SAMD4A: variants seen among roughly 807,000 people sequenced by gnomAD.
The protein encoded by SAMD4A is protein Smaug homolog 1.
A neutral mutation model predicts 81.3 loss-of-function variants in SAMD4A; 33 were observed. That is an observed-to-expected ratio of 0.41 (90% CI 0.31 to 0.54). The LOEUF is 0.54. Among genes scored for constraint, SAMD4A ranks in the 20% least tolerant of loss-of-function variants. SAMD4A has a pLI of 0.37. For missense variants in SAMD4A, 854 were observed against 951.1 expected, an observed-to-expected ratio of 0.90 and a Z score of 1.34; for synonymous variants, 389 against 382.1, an observed-to-expected ratio of 1.02 and a Z score of -0.21.
rs1470894332 is a variant in SAMD4A at position 54,684,625 on chromosome 14, A to G, written c.197-17437A>G. 1.5e-4 allele frequency among the ~76,000 whole-genome samples: 2 copies of G among 12,918 alleles called. 1 individual carries two copies. The highest frequency in any genetic ancestry group is 5.8e-4 in the Non-Finnish European group (2 of 3,428). 8.5% of individuals were successfully genotyped at this position (12,918 alleles called of 152,430 possible). ...CCAGACACCCCCGCCCCCCCCCCCA[A>G]CCAGAAACGGGAAACCTATGGAAAG... On this transcript the variant is annotated intron_variant, in intron 2 of 12. Transcript: ENST00000554335.
At chr14:54,780,547 C>G (rs1056858960) in intron 11 of SAMD4A, among the ~76,000 whole-genome samples, 1 of 152,168 alleles carries the variant, frequency 6.6e-6, no homozygotes, top group African/African-American at 2.4e-5. Flanking sequence ...TAAATATTTC[C>G]TCCATGTCTT....
chr14:54,750,232 T>C (rs2038068969), intron 5 of SAMD4A, among the ~76,000 whole-genome samples: 1 of 152,210 alleles, frequency 6.6e-6, no homozygotes. Context: ...AGTAATTTAA[T>C]TCACTAGAAC....
At chr14:54,691,247 A>G (rs142194186) in intron 2 of SAMD4A, among the ~76,000 whole-genome samples, 174 of 152,258 alleles carry the variant, frequency 1.1e-3, no homozygotes, top group Middle Eastern at 6.8e-3. Context: ...CAACTTGGGA[A>G]GGATGAGGCC....
intron 2 of SAMD4A, among the ~76,000 whole-genome samples, chr14:54,653,301 ATATTATTATTATTATTATTATTATTAT>A (rs71448404): frequency 3.1e-5 from 4 of 130,398 alleles, no homozygotes; most frequent in East Asian, 2.2e-4. Flanking sequence ...CTTCCTCTTA[ATATTATTATTATTATTATTATTATTAT>A]TATTATTATT....
intron 2 of SAMD4A, among the ~76,000 whole-genome samples, chr14:54,595,018 A>C (rs1343245121): frequency 6.6e-6 from 1 of 152,222 alleles, no homozygotes; most frequent in Non-Finnish European, 1.5e-5. Flanking sequence ...TTATTCATTC[A>C]TTGAAAAAAT....
intron 2 of SAMD4A, among the ~76,000 whole-genome samples, chr14:54,646,639 A>G (rs1262816857): frequency 6.6e-6 from 1 of 152,244 alleles, no homozygotes; most frequent in Non-Finnish European, 1.5e-5. Flanking sequence ...AATTTCAGCT[A>G]CTGGAGGTAG....
intron 2 of SAMD4A, among the ~76,000 whole-genome samples, chr14:54,576,007 T>TC (rs1366762824): frequency 8.8e-4 from 6 of 6,784 alleles, no homozygotes; most frequent in African/African-American, 2.3e-3. Flanking sequence ...CTTTCTTTTT[T>TC]TTTTTTTTTT....
At chr14:54,606,104 C>A (rs558719416) in intron 2 of SAMD4A, among the ~76,000 whole-genome samples, 1 of 152,136 alleles carries the variant, frequency 6.6e-6, no homozygotes, top group South Asian at 2.1e-4. Flanking sequence ...TAATGTGCAG[C>A]CCCGCCTTTT....
chr14:54,613,137 A>AAAGGAAGGAAGGAAGGAAGG (rs66698502), intron 2 of SAMD4A, among the ~76,000 whole-genome samples: 23 of 144,644 alleles, frequency 1.6e-4, no homozygotes, highest in African/African-American at 3.9e-4. Flanking sequence ...AGAGAGAGAG[A>AAAGGAAGGAAGGAAGGAAGG]AAGGAAGGAA....
intron 2 of SAMD4A, among the ~76,000 whole-genome samples, chr14:54,667,190 G>A (rs2035775738): frequency 6.6e-6 from 1 of 152,188 alleles, no homozygotes. Context: ...ACAGCCCTAA[G>A]AGACAGCTGG....
chr14:54,635,252 G>A (rs535677875), intron 2 of SAMD4A, among the ~76,000 whole-genome samples: 63 of 149,824 alleles, frequency 4.2e-4, no homozygotes, highest in African/African-American at 1.5e-3. Context: ...GTGAAACACC[G>A]TCTCTACTAA....
chr14:54,580,276 T>C (rs1392824654), intron 2 of SAMD4A, among the ~76,000 whole-genome samples: 1 of 152,188 alleles, frequency 6.6e-6, no homozygotes, highest in East Asian at 1.9e-4. Context: ...AGGCTCTATT[T>C]ACCTGAATTT....
intron 7 of SAMD4A, 54 bp downstream of exon 7, chr14:54,760,548 G>T: frequency 7.3e-7 from 1 of 1,365,928 alleles, no homozygotes; most frequent in South Asian, 1.9e-5. Flanking sequence ...TAACCAGAGC[G>T]ACAGGCTCCT....
chr14:54,584,184 A>G (rs1198806399), intron 2 of SAMD4A, among the ~76,000 whole-genome samples: 2 of 152,206 alleles, frequency 1.3e-5, no homozygotes. Flanking sequence ...GGTTGCTTTC[A>G]CTGAAATTTG....
intron 2 of SAMD4A, among the ~76,000 whole-genome samples, chr14:54,646,983 G>A (rs1410866111): frequency 6.6e-6 from 1 of 152,092 alleles, no homozygotes; most frequent in African/African-American, 2.4e-5. Context: ...TTTTATACAA[G>A]AAACAGAATG....
At chr14:54,588,966 T>A (rs570096810) in intron 2 of SAMD4A, among the ~76,000 whole-genome samples, 1 of 152,220 alleles carries the variant, frequency 6.6e-6, no homozygotes, top group South Asian at 2.1e-4. Flanking sequence ...GAAGAGGAAC[T>A]GCTCAATTTT....
At chr14:54,771,852 A>T (rs1022277417) in intron 9 of SAMD4A, among the ~76,000 whole-genome samples, 2 of 152,160 alleles carry the variant, frequency 1.3e-5, no homozygotes, top group African/African-American at 4.8e-5. Context: ...CTGTGTTGTC[A>T]TTGGTCCACA....
chr14:54,746,320 G>A (rs916354574), intron 4 of SAMD4A, among the ~76,000 whole-genome samples: 3 of 152,148 alleles, frequency 2.0e-5, no homozygotes, highest in East Asian at 1.9e-4. Context: ...AACAGTGTCC[G>A]TGCGTACCTG....
chr14:54,599,534 A>T (rs55743101), intron 2 of SAMD4A, among the ~76,000 whole-genome samples: 31,047 of 152,152 alleles, frequency 0.2, 3,236 homozygotes, highest in Non-Finnish European at 0.23. Context: ...ATGGACCCTA[A>T]TATCTATGAT....
Sources: gnomAD v4.1 joint callset for allele counts (sites outside exome capture counted in the v4.1 genomes callset) on GRCh38, gnomAD v4.1.1 for gene constraint, MANE v1.5 for transcripts, NCBI Gene and HGNC (gene_info 2026-07-23, HGNC 2026-07-21) for gene names.